The following TRAPPC12 variants were observed in gnomAD, a reference collection of about 807,000 sequenced individuals.
TRAPPC12 encodes TPR repeat protein 15.
Under a neutral mutation model 69.2 loss-of-function variants are expected in TRAPPC12, and 61 were observed. The observed-to-expected ratio is 0.88, with a 90% CI of 0.72 to 1.09. The LOEUF (loss-of-function observed/expected upper bound fraction) is 1.09, where lower values mean the gene tolerates loss of function less well. Ranked by LOEUF, TRAPPC12 falls within the 50% of genes least tolerant of loss-of-function variation. TRAPPC12 has a pLI of 0.00. For synonymous variants in TRAPPC12, 469 were observed against 438.9 expected (o/e 1.07, Z -0.86); for missense variants, 1,101 against 1,016.4 (o/e 1.08, Z -1.13).
chr2:3,390,971 A>T (rs549135989), intron 2 of TRAPPC12, among the ~76,000 whole-genome samples: 37 of 152,316 alleles, frequency 2.4e-4, no homozygotes, highest in Admixed American at 1.8e-3. Context: ...TTTTAAAAAG[A>T]TATAAAACAG....
intron 5 of TRAPPC12, among the ~76,000 whole-genome samples, chr2:3,429,681 T>C (rs911369708): frequency 6.6e-6 from 1 of 152,124 alleles, no homozygotes; most frequent in Non-Finnish European, 1.5e-5. Flanking sequence ...TTTACTTTAC[T>C]TTTTTTTCTG....
chr2:3,478,267 G>A (rs1466098422), intron 10 of TRAPPC12, among the ~76,000 whole-genome samples: 2 of 152,258 alleles, frequency 1.3e-5, no homozygotes, highest in Non-Finnish European at 2.9e-5. Flanking sequence ...ATCAGAAAGC[G>A]TAAATAAAGC....
intron 3 of TRAPPC12, among the ~76,000 whole-genome samples, chr2:3,415,050 G>A (rs1336771272): frequency 1.3e-5 from 2 of 152,098 alleles, no homozygotes; most frequent in Non-Finnish European, 2.9e-5. Context: ...TATCCCAGGA[G>A]TCCTGGAACC....
At chr2:3,474,680 C>A (rs899346757) in intron 9 of TRAPPC12, among the ~76,000 whole-genome samples, 32 of 152,266 alleles carry the variant, frequency 2.1e-4, no homozygotes, top group African/African-American at 7.5e-4. Context: ...GCACAGGTGA[C>A]ATCTCAAAAG....
intron 7 of TRAPPC12, among the ~76,000 whole-genome samples, chr2:3,458,889 T>C (rs1402705670): frequency 6.6e-6 from 1 of 152,210 alleles, no homozygotes; most frequent in African/African-American, 2.4e-5. Context: ...TGCAATTCAT[T>C]GAGACAATCC....
chr2:3,422,052 G>T, intron 4 of TRAPPC12, 58 bp downstream of exon 4: 1 of 1,356,358 alleles, frequency 7.4e-7, no homozygotes, highest in Non-Finnish European at 1.0e-6. Flanking sequence ...CTGGGGACAT[G>T]GACAGGACCA....
At position 3,457,656 on chromosome 2, in the gene TRAPPC12, C is replaced by T. The variant is rs761984276; in HGVS notation, c.1566C>T (p.Asp522=). The T allele has an allele frequency of 9.9e-6, 16 of 1,611,856 alleles. No homozygotes were observed. Among genetic ancestry groups the T allele is most frequent in the Middle Eastern group, 1.6e-4 (1 of 6,084 alleles). ...LANLEQGLAE[D]GGMSSVTQEG... ...ATTTGGAGCAAGGCTTAGCAGAAGA[C>T]GGCGGCATGAGCAGCGTGACTCAGG... The change falls in exon 7 of 12, where the codon GAC becomes GAT. Residue 522 remains aspartate, a synonymous_variant. Coordinates refer to ENST00000324266, the MANE Select transcript of TRAPPC12 (RefSeq NM_016030.6).
At chr2:3,395,365 A>C (rs1472613066) in intron 2 of TRAPPC12, among the ~76,000 whole-genome samples, 1 of 151,988 alleles carries the variant, frequency 6.6e-6, no homozygotes, top group African/African-American at 2.4e-5. Flanking sequence ...CTGTGTTTTA[A>C]GAATTCTGTA....
At chr2:3,442,771 CAGAT>C (rs2103099654) in intron 5 of TRAPPC12, among the ~76,000 whole-genome samples, 1 of 152,306 alleles carries the variant, frequency 6.6e-6, no homozygotes, top group South Asian at 2.1e-4. Context: ...AATGAATAGA[CAGAT>C]GGATGCATTG....
rs114430945 is a variant in TRAPPC12, at chr2:3,444,247, C to T, written c.1530+356C>T. 3.8e-3 allele frequency among the ~76,000 whole-genome samples: 573 copies of T among 152,378 alleles called. 2 individuals are homozygous for T. Among genetic ancestry groups the T allele is most frequent in the African/African-American group, 0.012 (492 of 41,600 alleles). On this transcript the variant is annotated intron_variant, in intron 6 of 11. Coordinates refer to ENST00000324266, the MANE Select transcript of TRAPPC12 (RefSeq NM_016030.6). ...CACAAGTGCCCACACGCACCTGCCA[C>T]GTGCAGACAGAGGTACCGGAGCAGT...
rs950963651 is a variant in TRAPPC12, at chr2:3,422,004, C to T, written c.1278+10C>T. The stretch of plus-strand genomic sequence containing the variant: ...GACAGATTCACTGCAGGTGAGAACA[C>T]CTTTCAGGTGCTGGAGTTTAACCTG... On this transcript the variant is annotated intron_variant, in intron 4 of 11. Transcript: ENST00000324266. The T allele has an allele frequency of 2.5e-6, 4 of 1,601,518 alleles. No individual in the cohort carries two copies. In the African/African-American group the frequency reaches 5.4e-5, roughly 21 times the overall value.
intron 5 of TRAPPC12, among the ~76,000 whole-genome samples, chr2:3,439,119 A>AT (rs1341763777): frequency 6.6e-6 from 1 of 152,118 alleles, no homozygotes; most frequent in African/African-American, 2.4e-5. Context: ...TGGTATTGTC[A>AT]TTTTTTGGAT....
intron 3 of TRAPPC12, among the ~76,000 whole-genome samples, chr2:3,419,590 A>C (rs566654261): frequency 8.6e-5 from 13 of 152,024 alleles, no homozygotes; most frequent in African/African-American, 3.1e-4. Flanking sequence ...CCAGCTAGTG[A>C]AGAAAACCAC....
At chr2:3,385,968 AG>A (rs1352122730) in intron 1 of TRAPPC12, among the ~76,000 whole-genome samples, 2 of 152,264 alleles carry the variant, frequency 1.3e-5, no homozygotes, top group African/African-American at 4.8e-5. Flanking sequence ...GAAACATGGC[AG>A]GAAAAAAAAC....
chr2:3,466,280 T>C (rs1472940915), intron 9 of TRAPPC12: 2 of 471,144 alleles, frequency 4.2e-6, no homozygotes, highest in Admixed American at 4.7e-5. Flanking sequence ...CTTCTGCCCC[T>C]CTCACCCTCA....
At chr2:3,421,559 G>C (rs879488652) in intron 3 of TRAPPC12, 73 of 537,398 alleles carry the variant, frequency 1.4e-4, no homozygotes, top group Middle Eastern at 2.8e-4. Flanking sequence ...CAGTCATATA[G>C]ATTGAGAGAT....
intron 1 of TRAPPC12, among the ~76,000 whole-genome samples, chr2:3,381,347 G>A (rs1217885285): frequency 6.6e-6 from 1 of 152,136 alleles, no homozygotes; most frequent in Non-Finnish European, 1.5e-5. Context: ...TCCAGGAAAT[G>A]AACCTGAGAA....
chr2:3,473,317 C>T (rs983733080), intron 9 of TRAPPC12, among the ~76,000 whole-genome samples: 31 of 152,170 alleles, frequency 2.0e-4, no homozygotes, highest in African/African-American at 7.5e-4. Context: ...TGAAATAGAT[C>T]GCATCTTTCT....
intron 6 of TRAPPC12, among the ~76,000 whole-genome samples, chr2:3,451,153 T>G (rs969489482): frequency 6.6e-6 from 1 of 152,236 alleles, no homozygotes; most frequent in Non-Finnish European, 1.5e-5. Flanking sequence ...GCGTGTAATT[T>G]TCTTCATTCT....
Sources: allele counts gnomAD v4.1 joint callset (sites outside exome capture counted in the v4.1 genomes callset), GRCh38; gene constraint gnomAD v4.1.1; transcripts MANE v1.5; gene names NCBI Gene and HGNC (gene_info 2026-07-23, HGNC 2026-07-21).